TSPAN1: variants seen among roughly 807,000 people sequenced by gnomAD.
The protein encoded by TSPAN1 is tetraspanin-1.
In TSPAN1, 23 loss-of-function variants were observed where a neutral mutation model predicts 26.9. The ratio of observed to expected loss-of-function variants is 0.85; its 90% CI spans 0.62 to 1.21. The LOEUF (loss-of-function observed/expected upper bound fraction) is 1.21. TSPAN1 is among the 50% of genes most tolerant of loss of function. The pLI is 0.00. For synonymous variants in TSPAN1, 115 were observed against 114.8 expected, an observed-to-expected ratio of 1.00 and a Z score of -0.01; for missense variants, 283 against 298.4, an observed-to-expected ratio of 0.95 and a Z score of 0.38.
At chr1:46,189,492 A>G (rs1166517895), downstream of TSPAN1, 6 of 1,613,650 alleles carry the variant, frequency 3.7e-6, no homozygotes, top group Non-Finnish European at 4.2e-6. Flanking sequence ...ACCATCAGGA[A>G]GTGGTTCTTC....
intron 3 of TSPAN1, among the ~76,000 whole-genome samples, chr1:46,181,588 G>A (rs1557664786): frequency 6.6e-6 from 1 of 152,228 alleles, no homozygotes; most frequent in East Asian, 1.9e-4. Flanking sequence ...AAGGAGGGAG[G>A]GCCTACCTCT....
At chr1:46,186,967 C>T (rs896564753), downstream of TSPAN1, among the ~76,000 whole-genome samples, 7 of 152,086 alleles carry the variant, frequency 4.6e-5, no homozygotes, top group Admixed American at 1.3e-4. Flanking sequence ...CGGCCACGCC[C>T]GGCTAACTTT....
chr1:46,186,777 C>T (rs1161124688), downstream of TSPAN1, among the ~76,000 whole-genome samples: 2 of 151,790 alleles, frequency 1.3e-5, no homozygotes, highest in Non-Finnish European at 2.9e-5. Context: ...ATTCTCCTGC[C>T]TCAGCCTCCC....
the TSPAN1 span, chr1:46,193,990 G>A: frequency 6.2e-7 from 1 of 1,600,518 alleles, no homozygotes; most frequent in South Asian, 1.1e-5. Flanking sequence ...CCCACCTAGG[G>A]AAGACTTCTC....
chr1:46,185,391 C>G, intron 8 of TSPAN1, 83 bp downstream of exon 8: 3 of 1,608,104 alleles, frequency 1.9e-6, no homozygotes, highest in Non-Finnish European at 2.6e-6. Flanking sequence ...CTGGAGGAAA[C>G]AGACTTCTAA....
intron 1 of TSPAN1, among the ~76,000 whole-genome samples, chr1:46,178,608 TA>T (rs1280672130): frequency 3.3e-5 from 5 of 152,156 alleles, no homozygotes; most frequent in Non-Finnish European, 7.4e-5. Flanking sequence ...ACTGTAACTA[TA>T]AACCGACCTG....
At chr1:46,190,326 G>C, downstream of TSPAN1, 1 of 1,092,206 alleles carries the variant, frequency 9.2e-7, no homozygotes, top group South Asian at 1.2e-5. Flanking sequence ...TTACAGGCGT[G>C]AGCCACCGCG....
At chr1:46,176,462 A>G in intron 1 of TSPAN1, 1 of 1,535,692 alleles carries the variant, frequency 6.5e-7, no homozygotes. Context: ...ACAAGCCGAG[A>G]TGGCCCCATG....
downstream of TSPAN1, chr1:46,190,870 C>T (rs758218916): frequency 5.2e-5 from 68 of 1,295,596 alleles, no homozygotes; most frequent in Non-Finnish European, 7.5e-5. Flanking sequence ...CTATAAGACA[C>T]ACAAATGAAG....
intron 3 of TSPAN1, chr1:46,183,847 A>C: frequency 2.6e-6 from 1 of 389,996 alleles, no homozygotes; most frequent in Non-Finnish European, 4.9e-6. Flanking sequence ...CCAGAAAGGA[A>C]ATAGGAGGCT....
At chr1:46,192,154 C>T in the TSPAN1 span, 10 of 1,613,938 alleles carry the variant, frequency 6.2e-6, no homozygotes, top group East Asian at 2.2e-5. Flanking sequence ...GATCGGGAAA[C>T]GTCAGGGATG....
chr1:46,190,135 G>A, downstream of TSPAN1: 4 of 978,844 alleles, frequency 4.1e-6, no homozygotes, highest in African/African-American at 1.8e-5. Flanking sequence ...GTCTTGCTCT[G>A]TCGCCCAGGC....
chr1:46,189,203 A>G, downstream of TSPAN1: 1 of 1,561,376 alleles, frequency 6.4e-7, no homozygotes, highest in Non-Finnish European at 8.6e-7. Context: ...ATCCTACAGG[A>G]TGGAGGGAAG....
chr1:46,181,680 A>C (rs1657319096), intron 3 of TSPAN1, among the ~76,000 whole-genome samples: 1 of 152,206 alleles, frequency 6.6e-6, no homozygotes, highest in Non-Finnish European at 1.5e-5. Flanking sequence ...GCAGGTAAGC[A>C]AAGCCTTTCT....
Position 46,185,925 on chromosome 1 carries a change from G to A in TSPAN1, c.*392G>A, listed in dbSNP as rs973069641. The A allele has an allele frequency of 4.0e-6, 1 of 250,254 alleles. No homozygotes were observed. Among genetic ancestry groups the A allele is most frequent in the Non-Finnish European group, 7.7e-6 (1 of 129,552 alleles). 15.5% of individuals were successfully genotyped at this position (250,254 alleles called of 1,614,324 possible). On this transcript the variant is annotated 3_prime_UTR_variant, in exon 9 of 9. Transcript: ENST00000372003. The stretch of plus-strand genomic sequence containing the variant: ...AGAGCCTCTGGGTGGATGTGTAGAA[G>A]GCACTTCAAAATGCATAAACCTGTT...
the TSPAN1 span, chr1:46,196,155 C>A: frequency 6.2e-7 from 1 of 1,606,902 alleles, no homozygotes; most frequent in Non-Finnish European, 8.5e-7. The surrounding 1 kb of genome is among the most constrained non-coding windows in gnomAD (Gnocchi z 4.4). Context: ...ACTTAAAACA[C>A]CAGCTGCTTG....
downstream of TSPAN1, chr1:46,190,077 G>A (rs572878186): frequency 3.2e-5 from 45 of 1,419,766 alleles, no homozygotes; most frequent in South Asian, 4.6e-4. Flanking sequence ...TGAATGCTCT[G>A]CTGTTGCCAC....
the TSPAN1 span, chr1:46,191,231 C>T: frequency 1.9e-5 from 5 of 268,638 alleles, no homozygotes; most frequent in South Asian, 8.6e-5. Context: ...ATGGGGCTCG[C>T]GTATTAGTCA....
At chr1:46,179,636 G>C (rs538381657) in intron 1 of TSPAN1, among the ~76,000 whole-genome samples, 2 of 152,150 alleles carry the variant, frequency 1.3e-5, no homozygotes, top group Non-Finnish European at 2.9e-5. Context: ...AGCAGGAAGC[G>C]GTCAGGCAGC....
Sources: gnomAD v4.1 joint callset for allele counts (sites outside exome capture counted in the v4.1 genomes callset) on GRCh38, gnomAD v4.1.1 for gene constraint, Gnocchi (gnomAD v3.1) non-coding constraint, MANE v1.5 for transcripts, NCBI Gene and HGNC (gene_info 2026-07-23, HGNC 2026-07-21) for gene names.